Variants in NRXN3 observed in about 807,000 individuals in gnomAD.
The protein encoded by NRXN3 is neurexin 3.
Under a neutral mutation model 137.6 loss-of-function variants are expected in NRXN3, and 32 were observed. The ratio of observed to expected loss-of-function variants is 0.23; its 90% confidence interval spans 0.18 to 0.31. The LOEUF (loss-of-function observed/expected upper bound fraction) is 0.31, where lower values mean the gene tolerates loss of function less well. NRXN3 is among the 10% of genes least tolerant of loss of function. NRXN3 has a pLI of 1.00. For missense variants in NRXN3, 1,574 were observed against 2,062.5 expected, an observed-to-expected ratio of 0.76 and a Z score of 4.59; for synonymous variants, 798 against 784.5, an observed-to-expected ratio of 1.02 and a Z score of -0.29.
intron 16 of NRXN3, among the ~76,000 whole-genome samples, chr14:79,523,167 AT>A (rs200858063): frequency 3.3e-5 from 5 of 151,592 alleles, no homozygotes; most frequent in Admixed American, 6.6e-5. Context: ...AAATTAAGAG[AT>A]TTTTTTTTCC....
chr14:78,984,414 G>T (rs1181447257), intron 14 of NRXN3, among the ~76,000 whole-genome samples: 1 of 152,130 alleles, frequency 6.6e-6, no homozygotes, highest in East Asian at 1.9e-4. Flanking sequence ...AAGTAAATAG[G>T]AAGACATGAT....
chr14:79,563,100 C>T (rs879362145), intron 16 of NRXN3, among the ~76,000 whole-genome samples: 4 of 152,144 alleles, frequency 2.6e-5, no homozygotes, highest in Admixed American at 6.5e-5. Context: ...AAAAAGCCAA[C>T]GCATTGTAAA....
intron 4 of NRXN3, among the ~76,000 whole-genome samples, chr14:78,352,108 A>G (rs1259349908): frequency 6.6e-6 from 1 of 150,648 alleles, no homozygotes; most frequent in Non-Finnish European, 1.5e-5. Flanking sequence ...AAAAAAAAAA[A>G]GATAGCAGGC....
In NRXN3 at chr14:79,167,936, G is replaced by GTT. The variant is rs59584874; in HGVS notation, c.3262+179810_3262+179811dup. ...TTTTCTTTTCTTTCTTTCTTTCCTT[G>GTT]TTTTTTTTTTTTTTTTACCTTCAGG... On this transcript the variant is annotated intron_variant, in intron 15 of 20. Transcript: ENST00000335750. Among the ~76,000 whole-genome samples, 505 of 133,894 alleles carry GTT rather than the reference G, an allele frequency of 3.8e-3. 3 individuals are homozygous for GTT. The highest frequency in any genetic ancestry group is 7.2e-3 in the African/African-American group (267 of 37,010). 87.8% of individuals were successfully genotyped at this position (133,894 alleles called of 152,430 possible).
chr14:78,264,740 C>T (rs1350484472), intron 2 of NRXN3, among the ~76,000 whole-genome samples: 1 of 152,168 alleles, frequency 6.6e-6, no homozygotes, highest in African/African-American at 2.4e-5. Context: ...TTAGTGTTGT[C>T]TAATAACGGC....
At chr14:79,205,786 G>T (rs1419202030) in intron 15 of NRXN3, among the ~76,000 whole-genome samples, 1 of 152,130 alleles carries the variant, frequency 6.6e-6, no homozygotes, top group African/African-American at 2.4e-5. Flanking sequence ...ACTTAAGCAT[G>T]CAGAGGGATA....
intron 16 of NRXN3, among the ~76,000 whole-genome samples, chr14:79,649,010 TGGG>T (rs2098463779): frequency 6.6e-6 from 1 of 152,188 alleles, no homozygotes. Flanking sequence ...TTTGAGGATT[TGGG>T]AAGCATTTTT....
chr14:79,557,695 C>G (rs890466022), intron 16 of NRXN3, among the ~76,000 whole-genome samples: 1 of 152,072 alleles, frequency 6.6e-6, no homozygotes, highest in Non-Finnish European at 1.5e-5. Flanking sequence ...AGAGTCATAA[C>G]CTTTTGGCTG....
intron 10 of NRXN3, among the ~76,000 whole-genome samples, chr14:78,904,596 C>T (rs1245971144): frequency 2.0e-5 from 3 of 152,020 alleles, no homozygotes; most frequent in African/African-American, 4.8e-5. Flanking sequence ...ACCTCTCCCT[C>T]GAATTCTAGC....
At chr14:78,459,770 G>A (rs2094864917) in intron 4 of NRXN3, among the ~76,000 whole-genome samples, 1 of 152,168 alleles carries the variant, frequency 6.6e-6, no homozygotes, top group Non-Finnish European at 1.5e-5. Flanking sequence ...CAGTACTTCT[G>A]TGACCCCTGG....
chr14:78,613,281 TAAAAAG>T (rs752755172), intron 4 of NRXN3, among the ~76,000 whole-genome samples: 31 of 152,336 alleles, frequency 2.0e-4, no homozygotes, highest in Non-Finnish European at 2.9e-4. Flanking sequence ...ATTTTATTCT[TAAAAAG>T]TAAAAGTGAC....
rs2098614551 is a variant in NRXN3, at chr14:79,672,525, CCTCT to C, written c.3616+8577_3616+8580del. On this transcript the variant is annotated intron_variant, in intron 17 of 20. Coordinates refer to ENST00000335750, the MANE Select transcript of NRXN3 (RefSeq NM_001330195.2). Reference sequence around the variant, plus strand: ...TAAATAAAAATATTAATAACATCTCCCTCTATGTGAGGCATCAGTAATAACATAC... The same window carrying C: ...TAAATAAAAATATTAATAACATCTCCATGTGAGGCATCAGTAATAACATAC... 1.1e-4 allele frequency among the ~76,000 whole-genome samples: 17 copies of C among 151,978 alleles called. No individual in the cohort carries two copies. The South Asian group carries it at 3.5e-3, about 32-fold the overall frequency.
At chr14:78,262,581 A>C (rs1283850676) in intron 2 of NRXN3, among the ~76,000 whole-genome samples, 1 of 151,984 alleles carries the variant, frequency 6.6e-6, no homozygotes, top group East Asian at 1.9e-4. Flanking sequence ...CAGCCTGAAA[A>C]TTCCCAAATA....
At chr14:79,200,184 A>C (rs549593153) in intron 15 of NRXN3, 1 of 152,360 alleles carries the variant, frequency 6.6e-6, no homozygotes, top group African/African-American at 2.4e-5. Flanking sequence ...ACTATGAAAT[A>C]ACCCAGTGAG....
intron 8 of NRXN3, among the ~76,000 whole-genome samples, chr14:78,765,724 GATAT>G (rs149894446): frequency 0.032 from 4,768 of 150,736 alleles, 138 homozygotes; most frequent in Non-Finnish European, 0.043. Flanking sequence ...AATAAATGTT[GATAT>G]ATATATATAT....
intron 4 of NRXN3, among the ~76,000 whole-genome samples, chr14:78,346,838 A>G (rs560761005): frequency 3.3e-5 from 5 of 152,292 alleles, no homozygotes; most frequent in Admixed American, 3.3e-4. Context: ...ACCCAGTGGG[A>G]GGGAGCAGGA....
At chr14:78,172,294 T>C (rs1435853659) in intron 1 of NRXN3, among the ~76,000 whole-genome samples, 2 of 152,170 alleles carry the variant, frequency 1.3e-5, no homozygotes, top group Non-Finnish European at 2.9e-5. Context: ...GCTGGAGAAC[T>C]GGCTCTTTAT....
chr14:78,440,318 A>G (rs1057092633), intron 4 of NRXN3, among the ~76,000 whole-genome samples: 1 of 152,054 alleles, frequency 6.6e-6, no homozygotes, highest in African/African-American at 2.4e-5. Flanking sequence ...TCCCAGCACA[A>G]TCCTGCCCTG....
chr14:79,409,527 A>C (rs1599856913), intron 15 of NRXN3, among the ~76,000 whole-genome samples: 1 of 149,696 alleles, frequency 6.7e-6, no homozygotes, highest in Admixed American at 6.7e-5. Context: ...ATATACATGT[A>C]TATATGTAGT....
Sources: allele counts gnomAD v4.1 joint callset (sites outside exome capture counted in the v4.1 genomes callset), GRCh38; gene constraint gnomAD v4.1.1; transcripts MANE v1.5; gene names NCBI Gene and HGNC (gene_info 2026-07-23, HGNC 2026-07-21).